The following TMEM248 variants were observed in gnomAD, a reference collection of about 807,000 sequenced individuals.
TMEM248 encodes UPF0458 protein C7orf42.
Under a neutral mutation model 30.3 loss-of-function variants are expected in TMEM248, and 9 were observed. The ratio of observed to expected loss-of-function variants is 0.30; its 90% CI spans 0.18 to 0.52. The LOEUF (loss-of-function observed/expected upper bound fraction) is 0.52. TMEM248 is among the 20% of genes least tolerant of loss of function. The pLI is 0.97. For synonymous variants in TMEM248, 184 were observed against 154.4 expected, an observed-to-expected ratio of 1.19 and a Z score of -1.42; for missense variants, 338 against 403.3, an observed-to-expected ratio of 0.84 and a Z score of 1.39.
chr7:66,926,894 C>G (rs1178570993), intron 1 of TMEM248, among the ~76,000 whole-genome samples: 1 of 152,074 alleles, frequency 6.6e-6, no homozygotes, highest in African/African-American at 2.4e-5. Flanking sequence ...ACACAGCCTT[C>G]GAAACACTGC....
At chr7:66,942,329 G>A (rs1259716390) in intron 2 of TMEM248, among the ~76,000 whole-genome samples, 1 of 152,154 alleles carries the variant, frequency 6.6e-6, no homozygotes, top group Non-Finnish European at 1.5e-5. Flanking sequence ...CCTCACCTCT[G>A]TAATATTCCA....
intron 6 of TMEM248, among the ~76,000 whole-genome samples, chr7:66,955,055 G>A (rs557454499): frequency 1.3e-5 from 2 of 152,284 alleles, no homozygotes; most frequent in East Asian, 1.9e-4. Flanking sequence ...TTGAGCCCAC[G>A]AGTTCAAGAC....
At chr7:66,937,971 C>T (rs1174068286) in intron 1 of TMEM248, among the ~76,000 whole-genome samples, 1 of 152,138 alleles carries the variant, frequency 6.6e-6, no homozygotes, top group Non-Finnish European at 1.5e-5. Flanking sequence ...GGTGATCTGC[C>T]CACCTCAGCC....
intron 1 of TMEM248, among the ~76,000 whole-genome samples, chr7:66,924,307 C>G: frequency 6.6e-6 from 1 of 152,186 alleles, no homozygotes; most frequent in South Asian, 2.1e-4. Flanking sequence ...ACTGAAGAAC[C>G]TTTGAAGCCA....
Position 66,945,249 on chromosome 7 carries a change from A to C in TMEM248, c.433A>C (p.Ile145Leu). 6.2e-7 allele frequency: 1 copy of C among 1,612,976 alleles called. No homozygotes were observed. The highest frequency in any genetic ancestry group is 8.5e-7 in the Non-Finnish European group (1 of 1,179,014). ...GTACTCAACCATCTTAGGGCATCAGATTGGACTTTCAGGTATGCAGTAGCC... is the reference window on the plus strand; with the variant it reads ...GTACTCAACCATCTTAGGGCATCAGCTTGGACTTTCAGGTATGCAGTAGCC... ...HLYSTILGHQ[I>L]GLSGREAHEE... Residue 145 changes from isoleucine (I) to leucine (L), a missense_variant, in exon 3 of 7, where the codon ATT becomes CTT. Physicochemically the swap from Ile to Leu is conservative, Grantham distance 5 (BLOSUM62 2). Transcript: ENST00000341567.
At chr7:66,944,856 C>T in intron 2 of TMEM248, 120 bp from the exon 3 acceptor site, 3 of 1,021,348 alleles carry the variant, frequency 2.9e-6, no homozygotes, top group South Asian at 1.5e-5. Flanking sequence ...CTTAAATGAT[C>T]AGCTCTGAAT....
chr7:66,950,961 G>C lies in TMEM248; in HGVS notation c.606G>C (p.Pro202=), dbSNP rs113294828. Reference sequence around the variant, plus strand: ...TCCTCTTCTCCTGCAGACAGCCACCGCACTGTGTTCCTGACACGTACAGCA... The same window carrying C: ...TCCTCTTCTCCTGCAGACAGCCACCCCACTGTGTTCCTGACACGTACAGCA... ...PGVFPVTVQP[P]HCVPDTYSNA... is the part of the protein sequence containing the mutation. Residue 202 remains proline (P), a synonymous_variant, in exon 5 of 7, where the codon CCG becomes CCC. Coordinates refer to ENST00000341567, the MANE Select transcript of TMEM248 (RefSeq NM_017994.5). The C allele has an allele frequency of 6.3e-7, 1 of 1,585,446 alleles. No individual in the cohort carries two copies. Among genetic ancestry groups the C allele is most frequent in the African/African-American group, 1.4e-5 (1 of 74,024 alleles).
rs1198981393 is a variant in TMEM248, at chr7:66,921,233, AC to A, written c.-245del. The stretch of plus-strand genomic sequence containing the variant: ...TTTTTTTTTTTTTTTTCACCCGGAA[AC>A]CGCGGTTGCCGGAGCCCGAACTGAG... On this transcript the variant is annotated 5_prime_UTR_variant, in exon 1 of 7. Transcript: ENST00000341567. 6.8e-6 allele frequency: 1 copy of A among 147,284 alleles called. No homozygotes were observed. The highest frequency in any genetic ancestry group is 1.5e-5 in the Non-Finnish European group (1 of 66,890). 9.1% of individuals were successfully genotyped at this position (147,284 alleles called of 1,614,324 possible).
intron 3 of TMEM248, among the ~76,000 whole-genome samples, chr7:66,947,454 G>A (rs950239290): frequency 1.3e-5 from 2 of 152,088 alleles, no homozygotes; most frequent in Non-Finnish European, 2.9e-5. Context: ...CCAGGTTGGA[G>A]TGCAGTGGCA....
chr7:66,944,505 G>T (rs1303980857), intron 2 of TMEM248, among the ~76,000 whole-genome samples: 1 of 152,192 alleles, frequency 6.6e-6, no homozygotes, highest in African/African-American at 2.4e-5. Flanking sequence ...GCTGTTTTGT[G>T]TTCTAGAGAA....
intron 5 of TMEM248, 80 bp from the exon 6 acceptor site, chr7:66,953,146 C>T (rs1562945804): frequency 2.7e-5 from 41 of 1,502,822 alleles, no homozygotes; most frequent in Non-Finnish European, 3.6e-5. Flanking sequence ...GCTGTCAATC[C>T]TGTCTCTCAA....
At chr7:66,952,757 C>T (rs1428819512) in intron 5 of TMEM248, among the ~76,000 whole-genome samples, 2 of 152,146 alleles carry the variant, frequency 1.3e-5, no homozygotes, top group Admixed American at 1.3e-4. Flanking sequence ...GGAGGAAGGG[C>T]GTGACCCCTG....
intron 1 of TMEM248, among the ~76,000 whole-genome samples, chr7:66,925,955 A>G (rs182767502): frequency 1.3e-5 from 2 of 152,008 alleles, no homozygotes; most frequent in African/African-American, 4.8e-5. Flanking sequence ...TTTAGTTTTT[A>G]AAGGAATTTC....
At chr7:66,942,085 G>A in intron 2 of TMEM248, 61 bp downstream of exon 2, 1 of 1,546,016 alleles carries the variant, frequency 6.5e-7, no homozygotes, top group Non-Finnish European at 8.8e-7. Context: ...GCAACACCCT[G>A]TGGCTTGCCA....
At position 66,951,031 on chromosome 7, in the gene TMEM248, A is replaced by G. The variant is rs1450787732; in HGVS notation, c.676A>G (p.Asn226Asp). The G allele has an allele frequency of 1.9e-6, 3 of 1,613,060 alleles. No individual in the cohort carries two copies. The African/African-American group carries it at 4.0e-5, about 22-fold the overall frequency. ...YKIFTTARDA[N>D]TKYAQDYNPF... ...GATCTTCACAACTGCCAGAGATGCC[A>G]ACACAAAATACGCCCAAGATTACAA... Residue 226 changes from asparagine to aspartate, a missense_variant, in exon 5 of 7, where the codon AAC becomes GAC. Asn to Asp is a conservative substitution (Grantham distance 23, BLOSUM62 1). Coordinates refer to ENST00000341567, the MANE Select transcript of TMEM248 (RefSeq NM_017994.5).
intron 1 of TMEM248, 112 bp downstream of exon 1, chr7:66,921,573 C>G (rs1275076657): frequency 2.6e-5 from 4 of 152,246 alleles, no homozygotes; most frequent in Non-Finnish European, 5.9e-5. Context: ...CTTTTTTCAC[C>G]GCTTCTCAGG....
rs757763009 is a variant in TMEM248, at chr7:66,941,928, G to T, written c.63G>T (p.Val21=). 6.2e-7 allele frequency: 1 copy of T among 1,614,120 alleles called. No homozygotes were observed. The highest frequency in any genetic ancestry group is 8.5e-7 in the Non-Finnish European group (1 of 1,180,008). ...ACATCAGCAGTCGGCCTCCCCTGGT[G>T]GTCTTCATGATCAGCGTAAGCGCCA... is the stretch of plus-strand genomic sequence containing the variant. The part of the protein sequence containing the change: ...KVYISSRPPL[V]VFMISVSAMA... Residue 21 remains valine (V), a synonymous_variant, in exon 2 of 7, where the codon GTG becomes GTT. Coordinates refer to ENST00000341567, the MANE Select transcript of TMEM248 (RefSeq NM_017994.5).
rs943880606 is a variant in TMEM248 at position 66,958,133 on chromosome 7, T to G, written c.*2611T>G. 1 of 152,716 alleles carries G rather than the reference T, an allele frequency of 6.5e-6. No individual in the cohort carries two copies. Among genetic ancestry groups the G allele is most frequent in the Non-Finnish European group, 1.5e-5 (1 of 68,082 alleles). 9.5% of individuals were successfully genotyped at this position (152,716 alleles called of 1,614,324 possible). On this transcript the variant is annotated 3_prime_UTR_variant, in exon 7 of 7. Coordinates refer to ENST00000341567, the MANE Select transcript of TMEM248 (RefSeq NM_017994.5). ...GCAACAGACGGAGTGCGCTTGCTGT[T>G]CAGGGCGGCCCCGTGCAGGAGCACC... is the stretch of plus-strand genomic sequence containing the variant.
rs1299548979 is a variant in TMEM248, at chr7:66,944,965, C to T, written c.160-11C>T. 1.2e-6 allele frequency: 2 copies of T among 1,612,496 alleles called. No individual in the cohort carries two copies. Among genetic ancestry groups the T allele is most frequent in the African/African-American group, 2.7e-5 (2 of 74,890 alleles). On this transcript the variant is annotated splice_polypyrimidine_tract_variant and intron_variant, in intron 2 of 6. Transcript: ENST00000341567. ...TTAACACCCATTTCTCTTTCTTTCA[C>T]TTTCCCAAAGGATTGGAATACTTTT... is the stretch of plus-strand genomic sequence containing the variant.
Sources: allele counts gnomAD v4.1 joint callset (sites outside exome capture counted in the v4.1 genomes callset), GRCh38; gene constraint gnomAD v4.1.1; transcripts MANE v1.5; gene names NCBI Gene and HGNC (gene_info 2026-07-23, HGNC 2026-07-21).